The following SPECC1 variants were observed in gnomAD, a reference collection of about 807,000 sequenced individuals.
The protein encoded by SPECC1 is cytospin-B.
SPECC1 carries 62 observed loss-of-function variants against 104.1 expected under a neutral mutation model. That is an observed-to-expected ratio of 0.60 (90% CI 0.49 to 0.74). The LOEUF is 0.74. Ranked by LOEUF, SPECC1 falls within the 30% of genes least tolerant of loss-of-function variation. SPECC1 has a pLI of 0.00. For synonymous variants in SPECC1, 513 were observed against 501.6 expected, an observed-to-expected ratio of 1.02 and a Z score of -0.30; for missense variants, 1,306 against 1,310.5, an observed-to-expected ratio of 1.00 and a Z score of 0.05.
At chr17:20,098,847 G>A (rs1412649196) in intron 2 of SPECC1, among the ~76,000 whole-genome samples, 2 of 152,314 alleles carry the variant, frequency 1.3e-5, no homozygotes, top group Admixed American at 1.3e-4. Context: ...TAAGCCCCCT[G>A]CAGACAGGGA....
intron 4 of SPECC1, among the ~76,000 whole-genome samples, chr17:20,220,615 A>G (rs2703770): frequency 0.35 from 50,442 of 143,814 alleles, 11,126 homozygotes; most frequent in East Asian, 0.8. Context: ...AAGTCATATC[A>G]TCTGCAAACC....
chr17:20,288,167 C>G (rs1276151952), intron 12 of SPECC1, among the ~76,000 whole-genome samples: 6 of 152,024 alleles, frequency 3.9e-5, no homozygotes, highest in Admixed American at 3.9e-4. Flanking sequence ...GTATATGTAC[C>G]ACATTTTCTT....
chr17:20,272,986 G>T (rs2040457577), intron 12 of SPECC1, among the ~76,000 whole-genome samples: 1 of 152,102 alleles, frequency 6.6e-6, no homozygotes, highest in Non-Finnish European at 1.5e-5. Context: ...TGTTTAGGTG[G>T]AGGCTCTGCA....
chr17:20,199,426 G>T (rs1239000503), intron 3 of SPECC1, among the ~76,000 whole-genome samples: 1 of 124,380 alleles, frequency 8.0e-6, no homozygotes, highest in African/African-American at 3.2e-5. Flanking sequence ...TAGAGACAGG[G>T]TCTTTCTCTG....
At chr17:20,200,318 G>T (rs766019553) in intron 3 of SPECC1, among the ~76,000 whole-genome samples, 2 of 152,122 alleles carry the variant, frequency 1.3e-5, no homozygotes, top group Non-Finnish European at 2.9e-5. Context: ...TGATGTACTC[G>T]TGATTGACCA....
intron 10 of SPECC1, 24 bp from the exon 11 acceptor site, chr17:20,257,427 G>A (rs564649528): frequency 6.4e-7 from 1 of 1,551,134 alleles, no homozygotes; most frequent in East Asian, 2.3e-5. Context: ...TTGGGAATGA[G>A]TGATTATGTG....
intron 12 of SPECC1, among the ~76,000 whole-genome samples, chr17:20,267,629 A>G (rs929900238): frequency 3.9e-5 from 6 of 152,194 alleles, no homozygotes; most frequent in Non-Finnish European, 5.9e-5. Context: ...GGTGGTTTGA[A>G]GAGGGAGGGG....
intron 3 of SPECC1, among the ~76,000 whole-genome samples, chr17:20,129,193 T>G (rs2049474915): frequency 1.3e-5 from 2 of 149,962 alleles, no homozygotes; most frequent in Non-Finnish European, 3.0e-5. Context: ...TTTTTTTTGT[T>G]TTTTTTTTTT....
At chr17:20,138,018 G>C (rs1007591059) in intron 3 of SPECC1, among the ~76,000 whole-genome samples, 1 of 151,888 alleles carries the variant, frequency 6.6e-6, no homozygotes. Flanking sequence ...GCCCAGGCTG[G>C]AGTGCAGTGG....
chr17:20,018,745 C>T (rs2044249797), intron 1 of SPECC1, among the ~76,000 whole-genome samples: 1 of 152,198 alleles, frequency 6.6e-6, no homozygotes, highest in Non-Finnish European at 1.5e-5. Flanking sequence ...GCACAAGCTT[C>T]CAAGCATCCT....
chr17:20,069,086 C>T (rs944897077), intron 1 of SPECC1, among the ~76,000 whole-genome samples: 1 of 152,212 alleles, frequency 6.6e-6, no homozygotes, highest in Admixed American at 6.5e-5. Context: ...CAGTACCCAA[C>T]AGTTACCTTT....
intron 13 of SPECC1, among the ~76,000 whole-genome samples, chr17:20,298,702 G>A (rs1332321342): frequency 6.6e-6 from 1 of 152,046 alleles, no homozygotes; most frequent in Non-Finnish European, 1.5e-5. Context: ...TGGTTGTAGG[G>A]GAGGAGGAGA....
chr17:20,091,546 G>A (rs879604694), intron 1 of SPECC1, among the ~76,000 whole-genome samples: 1 of 152,180 alleles, frequency 6.6e-6, no homozygotes, highest in Non-Finnish European at 1.5e-5. Context: ...TTGTGACACC[G>A]TAAATGCCTC....
chr17:20,236,918 G>C, intron 7 of SPECC1: 1 of 1,613,478 alleles, frequency 6.2e-7, no homozygotes. Context: ...CCCAGCTCTT[G>C]CCATGATTGG....
At chr17:20,299,555 CA>C (rs57493380) in intron 13 of SPECC1, among the ~76,000 whole-genome samples, 1,636 of 40,290 alleles carry the variant, frequency 0.041, 15 homozygotes, top group African/African-American at 0.11. Context: ...GACCCTGTCT[CA>C]AAAAAAAAAA....
intron 4 of SPECC1, among the ~76,000 whole-genome samples, chr17:20,210,792 A>T (rs1028954796): frequency 1.3e-5 from 2 of 151,824 alleles, no homozygotes; most frequent in African/African-American, 4.8e-5. Flanking sequence ...CCCAGCTCCC[A>T]CCACACCTCC....
intron 9 of SPECC1, among the ~76,000 whole-genome samples, chr17:20,249,373 G>A (rs1207457684): frequency 3.3e-5 from 5 of 152,072 alleles, no homozygotes; most frequent in East Asian, 1.9e-4. Flanking sequence ...AGCTGAGATC[G>A]CGCCACTGCA....
intron 12 of SPECC1, among the ~76,000 whole-genome samples, chr17:20,282,174 A>G (rs1598136162): frequency 2.0e-5 from 3 of 152,242 alleles, no homozygotes; most frequent in East Asian, 1.9e-4. Context: ...GTGTTTGTCA[A>G]GTGAAAATGG....
chr17:20,127,735 TTTG>T (rs2049392760), intron 3 of SPECC1, among the ~76,000 whole-genome samples: 1 of 152,180 alleles, frequency 6.6e-6, no homozygotes, highest in Admixed American at 6.5e-5. Flanking sequence ...GTATTTTGTT[TTTG>T]TTGTTCTCAT....
Sources: gnomAD v4.1 joint callset for allele counts (sites outside exome capture counted in the v4.1 genomes callset) on GRCh38, gnomAD v4.1.1 for gene constraint, MANE v1.5 for transcripts, NCBI Gene and HGNC (gene_info 2026-07-23, HGNC 2026-07-21) for gene names.